TAF1L: variants seen among roughly 807,000 people sequenced by gnomAD.
The protein encoded by TAF1L is transcription initiation factor TFIID subunit 1-like.
TAF1L carries 30 observed loss-of-function variants against 128.8 expected under a neutral mutation model. That is an observed-to-expected ratio of 0.23 (90% CI 0.17 to 0.32). The LOEUF (loss-of-function observed/expected upper bound fraction) is 0.32, where lower values mean the gene tolerates loss of function less well. Ranked by LOEUF, TAF1L falls within the 10% of genes least tolerant of loss-of-function variation. The pLI, the probability that TAF1L is intolerant of heterozygous loss-of-function variation, is 1.00. For synonymous variants in TAF1L, 764 were observed against 790.7 expected (o/e 0.97, Z 0.57); for missense variants, 2,099 against 2,253.7 (o/e 0.93, Z 1.39).
rs1822495458 is a variant in TAF1L at position 32,630,048 on chromosome 9, A to G, written c.*51T>C. 1.2e-6 allele frequency: 2 copies of G among 1,607,112 alleles called. No individual in the cohort carries two copies. Among genetic ancestry groups the G allele is most frequent in the Middle Eastern group, 1.6e-4 (1 of 6,064 alleles). On this transcript the variant is annotated 3_prime_UTR_variant, in exon 1 of 1. Transcript: ENST00000242310. ...CCCATAACTGATGTTGCTATCCTCCAAATCATGGGAAGCCTCCCCACCGTC... is the reference window on the plus strand; with the variant it reads ...CCCATAACTGATGTTGCTATCCTCCGAATCATGGGAAGCCTCCCCACCGTC...
In TAF1L at chr9:32,631,971, T is replaced by C. The variant is rs774205592; in HGVS notation, c.3609A>G (p.Thr1203=). 4 of 1,614,232 alleles carry C rather than the reference T, an allele frequency of 2.5e-6. No individual in the cohort carries two copies. Residue 1203 remains threonine, a synonymous_variant, in exon 1 of 1, where the codon ACA becomes ACG. Transcript: ENST00000242310. This position sits in a 1 kb window ranked among gnomAD's most constrained non-coding sequence, Gnocchi z 4.1. ...EEGKEYVRCE[T]VRKPAVIDAY... ...CATCAATGACAGCTGGTTTTCGGAC[T>C]GTCTCACAGCGAACATACTCTTTCC...
In TAF1L at chr9:32,632,671, G is replaced by A. The variant is rs924159491; in HGVS notation, c.2909C>T (p.Thr970Ile). 7 of 1,614,070 alleles carry A rather than the reference G, an allele frequency of 4.3e-6. No homozygotes were observed. Among genetic ancestry groups the A allele is most frequent in the Middle Eastern group, 3.3e-4 (2 of 6,084 alleles). ...AMKGKCLLEV[T>I]GVADPTGCGE... ...ACACCCTGTGGGATCTGCCACCCCAGTCACCTCTAGGAGACACTTGCCCTT... is the reference window on the plus strand; with the variant it reads ...ACACCCTGTGGGATCTGCCACCCCAATCACCTCTAGGAGACACTTGCCCTT... The change falls in exon 1 of 1, where the codon ACT becomes ATT. Residue 970 changes from threonine to isoleucine, a missense_variant. Transcript: ENST00000242310. The surrounding 1 kb of genome is among the most constrained non-coding windows in gnomAD (Gnocchi z 4.4).
In TAF1L at chr9:32,634,802, G is replaced by C. The variant is rs567313961; in HGVS notation, c.778C>G (p.Arg260Gly). 1.9e-6 allele frequency: 3 copies of C among 1,614,134 alleles called. No homozygotes were observed. Among genetic ancestry groups the C allele is most frequent in the East Asian group, 2.2e-5 (1 of 44,880 alleles). The change falls in exon 1 of 1, where the codon CGC becomes GGC. Residue 260 changes from arginine to glycine, a missense_variant. Coordinates refer to ENST00000242310, the MANE Select transcript of TAF1L (RefSeq NM_153809.2). Reference sequence around the variant, plus strand: ...CCTGGTCCAAAAAGATGTAGGAAGCGTAACACTTTTCCAGGTCGAAATTCT... The same window carrying C: ...CCTGGTCCAAAAAGATGTAGGAAGCCTAACACTTTTCCAGGTCGAAATTCT... The part of the protein sequence containing the change: ...FPEFRPGKVL[R>G]FLHLFGPGKN...
chr9:32,632,026 T>C lies in TAF1L; in HGVS notation c.3554A>G (p.Lys1185Arg). ...LKSSATGHCL[K>R]IYRTFRDEEG... ...TTCATCTCGAAATGTGCGATAAATCTTGAGACAGTGTCCAGTGGCAGAAGA... is the reference window on the plus strand; with the variant it reads ...TTCATCTCGAAATGTGCGATAAATCCTGAGACAGTGTCCAGTGGCAGAAGA... Residue 1185 changes from lysine (K) to arginine (R), a missense_variant, in exon 1 of 1, where the codon AAG (lysine) becomes AGG (arginine). Transcript: ENST00000242310. The surrounding 1 kb of genome is among the most constrained non-coding windows in gnomAD (Gnocchi z 4.4). 1 of 1,614,190 alleles carries C rather than the reference T, an allele frequency of 6.2e-7. No individual in the cohort carries two copies. Among genetic ancestry groups the C allele is most frequent in the South Asian group, 1.1e-5 (1 of 91,084 alleles).
At position 32,632,199 on chromosome 9, in the gene TAF1L, C is replaced by A. The variant is rs1371948880; in HGVS notation, c.3381G>T (p.Leu1127Phe). Residue 1127 changes from leucine (L) to phenylalanine (F), a missense_variant, in exon 1 of 1, where the codon TTG (leucine) becomes TTT (phenylalanine). Coordinates refer to ENST00000242310, the MANE Select transcript of TAF1L (RefSeq NM_153809.2). The surrounding 1 kb of genome is among the most constrained non-coding windows in gnomAD (Gnocchi z 4.4). ...EEMGKNIENM[L>F]QNKKTSSQLS... ...GCTGAGAGCTGGTTTTCTTGTTCTG[C>A]AACATGTTCTCAATGTTCTTTCCCA... 5 of 1,614,236 alleles carry A rather than the reference C, an allele frequency of 3.1e-6. No individual in the cohort carries two copies. In the South Asian group the frequency reaches 5.5e-5, roughly 18 times the overall value.
chr9:32,631,262 T>C lies in TAF1L; in HGVS notation c.4318A>G (p.Ile1440Val), dbSNP rs2119084143. 1.2e-6 allele frequency: 2 copies of C among 1,614,128 alleles called. No individual in the cohort carries two copies. The highest frequency in any genetic ancestry group is 4.5e-5 in the East Asian group (2 of 44,872). ...AKVVKDYYKI[I>V]TRPMDLQTLR... ...GTTTGTAGGTCCATTGGCCGAGTGA[T>C]GATTTTGTAGTAGTCCTTTACAACC... Residue 1440 changes from isoleucine (I) to valine (V), a missense_variant, in exon 1 of 1, where the codon ATC (isoleucine) becomes GTC (valine). Ile to Val is a conservative substitution (Grantham distance 29, BLOSUM62 3). This residue lies in a region of TAF1L where 1,213 missense variants were observed against 1,391.4 expected (regional missense o/e 0.87). Coordinates refer to ENST00000242310, the MANE Select transcript of TAF1L (RefSeq NM_153809.2). This position sits in a 1 kb window ranked among gnomAD's most constrained non-coding sequence, Gnocchi z 4.1.
Position 32,635,094 on chromosome 9 carries a change from C to CG in TAF1L, c.485dup (p.Pro164ThrfsTer6). On this transcript the variant is annotated frameshift_variant, in exon 1 of 1. Transcript: ENST00000242310. LOFTEE classifies it high-confidence loss of function. The stretch of plus-strand genomic sequence containing the variant: ...GGTCCTTATCCTTCTTCATTGGTCC[C>CG]GGGGGTGGAGGTGGAGGAGGCATCA... 6.2e-7 allele frequency: 1 copy of CG among 1,613,794 alleles called. No individual in the cohort carries two copies. The highest frequency in any genetic ancestry group is 1.7e-4 in the Middle Eastern group (1 of 6,060).
rs778095037 is a variant in TAF1L, at chr9:32,633,833, G to C, written c.1747C>G (p.Pro583Ala). Residue 583 changes from proline to alanine, a missense_variant, in exon 1 of 1, where the codon CCA becomes GCA. By Grantham distance (27) the Pro-to-Ala change is conservative. Transcript: ENST00000242310. ...QNMSQPEVKD[P>A]WNLSNDEYYF... is the part of the protein sequence containing the mutation. ...TACTCATCATTGGAGAGATTCCATG[G>C]ATCTTTCACTTCTGGCTGAGACATG... is the stretch of plus-strand genomic sequence containing the variant. 1 of 1,614,174 alleles carries C rather than the reference G, an allele frequency of 6.2e-7. No individual in the cohort carries two copies. The highest frequency in any genetic ancestry group is 2.2e-5 in the East Asian group (1 of 44,876).
Position 32,633,903 on chromosome 9 carries a change from A to G in TAF1L, c.1677T>C (p.Ile559=), listed in dbSNP as rs1369874322. 1.2e-6 allele frequency: 2 copies of G among 1,614,100 alleles called. No individual in the cohort carries two copies. The highest frequency in any genetic ancestry group is 2.7e-5 in the African/African-American group (2 of 75,006). The change falls in exon 1 of 1, where the codon ATT becomes ATC. Residue 559 remains isoleucine, a synonymous_variant. Coordinates refer to ENST00000242310, the MANE Select transcript of TAF1L (RefSeq NM_153809.2). ...KKESSLKKSR[I]LLGKTGVIRE... ...TGATGACACCTGTTTTGCCCAAGAGAATTCGACTCTTCTTCAGAGATGATT... is the reference window on the plus strand; with the variant it reads ...TGATGACACCTGTTTTGCCCAAGAGGATTCGACTCTTCTTCAGAGATGATT...
Position 32,635,474 on chromosome 9 carries a change from T to C in TAF1L, c.106A>G (p.Thr36Ala), listed in dbSNP as rs2119089280. 1 of 1,614,074 alleles carries C rather than the reference T, an allele frequency of 6.2e-7. No individual in the cohort carries two copies. Among genetic ancestry groups the C allele is most frequent in the East Asian group, 2.2e-5 (1 of 44,868 alleles). Residue 36 changes from threonine to alanine, a missense_variant, in exon 1 of 1, where the codon ACT becomes GCT. Transcript: ENST00000242310. ...EEDSSGGGPF[T>A]LAGILFGNIS... ...TTGCCGAAAAGGATACCCGCTAAAG[T>C]AAATGGGCCACCTCCAGATGAATCT... is the stretch of plus-strand genomic sequence containing the variant.
chr9:32,630,884 G>T lies in TAF1L; in HGVS notation c.4696C>A (p.Pro1566Thr), dbSNP rs558583156. The T allele has an allele frequency of 8.7e-6, 14 of 1,614,122 alleles. No individual in the cohort carries two copies. In the South Asian group the frequency reaches 1.5e-4, roughly 18 times the overall value. ...VPDYYKMIVNPVDLETIRKNI... is the reference protein window; with the variant it reads ...VPDYYKMIVNTVDLETIRKNI... Reference sequence around the variant, plus strand: ...TTACGTATGGTCTCTAAATCCACTGGATTGACAATCATTTTGTAATAATCT... The same window carrying T: ...TTACGTATGGTCTCTAAATCCACTGTATTGACAATCATTTTGTAATAATCT... Residue 1566 changes from proline (P) to threonine (T), a missense_variant, in exon 1 of 1, where the codon CCA (proline) becomes ACA (threonine). By Grantham distance (38) the Pro-to-Thr change is conservative. Around this residue, in one of 4 missense-constraint regions of TAF1L, gnomAD observed 404 missense variants for 406.5 expected, o/e 0.99. Transcript: ENST00000242310.
At position 32,631,791 on chromosome 9, in the gene TAF1L, C is replaced by G. The variant is rs762816779; in HGVS notation, c.3789G>C (p.Lys1263Asn). 4.3e-6 allele frequency: 7 copies of G among 1,614,208 alleles called. No homozygotes were observed. The highest frequency in any genetic ancestry group is 5.9e-6 in the Non-Finnish European group (7 of 1,180,040). The change falls in exon 1 of 1, where the codon AAG becomes AAC. Residue 1263 changes from lysine to asparagine, a missense_variant. Physicochemically the swap from Lys to Asn is moderately conservative, Grantham distance 94. Around this residue, in one of 4 missense-constraint regions of TAF1L, gnomAD observed 1,213 missense variants for 1,391.4 expected, o/e 0.87. Transcript: ENST00000242310. The surrounding 1 kb of genome is among the most constrained non-coding windows in gnomAD (Gnocchi z 4.1). The stretch of plus-strand genomic sequence containing the variant: ...TCTTGGGCTTCTTCTCAGGAGGACC[C>G]TTAAGCTTCTCCTTTTCCTGGTTCC... Reference protein sequence around the residue: ...LKRNQEKEKLKGPPEKKPKKM... With the variant: ...LKRNQEKEKLNGPPEKKPKKM...
chr9:32,632,714 C>T lies in TAF1L; in HGVS notation c.2866G>A (p.Ala956Thr). The change falls in exon 1 of 1, where the codon GCC (alanine) becomes ACC (threonine). Residue 956 changes from alanine to threonine, a missense_variant. Transcript: ENST00000242310. The surrounding 1 kb of genome is among the most constrained non-coding windows in gnomAD (Gnocchi z 4.4). Reference protein sequence around the residue: ...VHAAPWNTTRAFIAAMKGKCL... With the variant: ...VHAAPWNTTRTFIAAMKGKCL... Reference sequence around the variant, plus strand: ...TTGCCCTTCATGGCAGCAATGAAGGCCCTTGTGGTGTTCCAAGGAGCAGCG... The same window carrying T: ...TTGCCCTTCATGGCAGCAATGAAGGTCCTTGTGGTGTTCCAAGGAGCAGCG... 1 of 1,614,200 alleles carries T rather than the reference C, an allele frequency of 6.2e-7. No homozygotes were observed. The highest frequency in any genetic ancestry group is 1.1e-5 in the South Asian group (1 of 91,086).
chr9:32,633,458 G>T lies in TAF1L; in HGVS notation c.2122C>A (p.Pro708Thr). The change falls in exon 1 of 1, where the codon CCC becomes ACC. Residue 708 changes from proline to threonine, a missense_variant. By Grantham distance (38) the Pro-to-Thr change is conservative. This residue lies in a region of TAF1L where 1,213 missense variants were observed against 1,391.4 expected (regional missense o/e 0.87). Coordinates refer to ENST00000242310, the MANE Select transcript of TAF1L (RefSeq NM_153809.2). ...GCCATGCCAACCTGCATCATTAAGG[G>T]TCCATTTTCCTCACTATATTCTGCA... ...ILAEYSEENG[P>T]LMMQVGMATK... The T allele has an allele frequency of 6.2e-7, 1 of 1,614,114 alleles. No individual in the cohort carries two copies. The highest frequency in any genetic ancestry group is 8.5e-7 in the Non-Finnish European group (1 of 1,180,024).
chr9:32,634,030 G>A lies in TAF1L; in HGVS notation c.1550C>T (p.Pro517Leu), dbSNP rs780907939. Reference protein sequence around the residue: ...AQAMPRLLEPPVLALDPNDEN... With the variant: ...AQAMPRLLEPLVLALDPNDEN... ...ATCATTGGGATCAAGTGCCAAAACA[G>A]GAGGTTCCAACAGCCGGGGCATGGC... Residue 517 changes from proline to leucine, a missense_variant, in exon 1 of 1, where the codon CCT (proline) becomes CTT (leucine). Transcript: ENST00000242310. The A allele has an allele frequency of 6.2e-7, 1 of 1,614,170 alleles. No individual in the cohort carries two copies. Among genetic ancestry groups the A allele is most frequent in the South Asian group, 1.1e-5 (1 of 91,084 alleles).
Position 32,629,855 on chromosome 9 carries a change from C to T in TAF1L, c.*244G>A, listed in dbSNP as rs993029518. 1.7e-5 allele frequency: 12 copies of T among 688,482 alleles called. No individual in the cohort carries two copies. The highest frequency in any genetic ancestry group is 5.6e-5 in the East Asian group (2 of 35,886). The allele number at this position is 688,482 out of a possible 1,614,324, so 42.6% of individuals were successfully genotyped here. On this transcript the variant is annotated 3_prime_UTR_variant, in exon 1 of 1. Transcript: ENST00000242310. ...TGTATTTTTAGTAGAGATGAAGTTT[C>T]GACATGTTGGCCAAGCTGGTCTCGA...
rs1822508288 is a variant in TAF1L, at chr9:32,630,849, G to A, written c.4731C>T (p.Ser1577=). The A allele has an allele frequency of 6.2e-7, 1 of 1,614,040 alleles. No individual in the cohort carries two copies. Among genetic ancestry groups the A allele is most frequent in the African/African-American group, 1.3e-5 (1 of 74,896 alleles). ...VDLETIRKNI[S]KHKYQSRESF... is the part of the protein sequence containing the mutation. Reference sequence around the variant, plus strand: ...TCTCCCGACTCTGATACTTGTGCTTGGAGATGTTCTTACGTATGGTCTCTA... The same window carrying A: ...TCTCCCGACTCTGATACTTGTGCTTAGAGATGTTCTTACGTATGGTCTCTA... The change falls in exon 1 of 1, where the codon TCC becomes TCT. Residue 1577 remains serine, a synonymous_variant. Coordinates refer to ENST00000242310, the MANE Select transcript of TAF1L (RefSeq NM_153809.2).
At position 32,629,455 on chromosome 9, in the gene TAF1L, C is replaced by A. The variant is rs893966996; in HGVS notation, c.*644G>T. On this transcript the variant is annotated 3_prime_UTR_variant, in exon 1 of 1. Transcript: ENST00000242310. ...AACATTTTCATTTCTGACATATAGG[C>A]TGTTTCAAAATTTATGGTAATTTGC... 1.3e-5 allele frequency: 2 copies of A among 153,024 alleles called. No homozygotes were observed. Among genetic ancestry groups the A allele is most frequent in the African/African-American group, 4.8e-5 (2 of 41,448 alleles). The allele number at this position is 153,024 out of a possible 1,614,324, so 9.5% of individuals were successfully genotyped here.
In TAF1L at chr9:32,634,816, G is replaced by A. The variant is rs148568657; in HGVS notation, c.764C>T (p.Pro255Leu). ...SVTELFPEFR[P>L]GKVLRFLHLF... ...ATGTAGGAAGCGTAACACTTTTCCA[G>A]GTCGAAATTCTGGAAAAAGTTCGGT... The change falls in exon 1 of 1, where the codon CCT (proline) becomes CTT (leucine). Residue 255 changes from proline (P) to leucine (L), a missense_variant. Physicochemically the swap from Pro to Leu is moderately conservative, Grantham distance 98 (BLOSUM62 -3). Around this residue, in one of 4 missense-constraint regions of TAF1L, gnomAD observed 473 missense variants for 429.6 expected, o/e 1.10. Coordinates refer to ENST00000242310, the MANE Select transcript of TAF1L (RefSeq NM_153809.2). 24 of 1,614,060 alleles carry A rather than the reference G, an allele frequency of 1.5e-5. No individual in the cohort carries two copies. In the African/African-American group the frequency reaches 2.8e-4, roughly 19 times the overall value.
Sources: allele counts gnomAD v4.1 joint callset, GRCh38; gene constraint gnomAD v4.1.1; regional missense constraint gnomAD v4.1.1; non-coding constraint Gnocchi (gnomAD v3.1); transcripts MANE v1.5; gene names NCBI Gene and HGNC (gene_info 2026-07-23, HGNC 2026-07-21).